The following TBC1D15 variants were observed in gnomAD, a reference collection of about 807,000 sequenced individuals.
The protein encoded by TBC1D15 is TBC1 domain family member 15.
TBC1D15 carries 39 observed loss-of-function variants against 95.4 expected under a neutral mutation model. The ratio of observed to expected loss-of-function variants is 0.41; its 90% CI spans 0.32 to 0.53. The LOEUF (loss-of-function observed/expected upper bound fraction) is 0.53, where lower values mean the gene tolerates loss of function less well. Ranked by LOEUF, TBC1D15 falls within the 20% of genes least tolerant of loss-of-function variation. The pLI, the probability that TBC1D15 is intolerant of heterozygous loss-of-function variation, is 0.29. For missense variants in TBC1D15, 733 were observed against 794.3 expected, an observed-to-expected ratio of 0.92 and a Z score of 0.93; for synonymous variants, 258 against 261.3, an observed-to-expected ratio of 0.99 and a Z score of 0.12.
chr12:71,881,838 A>G (rs369538084), intron 4 of TBC1D15, among the ~76,000 whole-genome samples: 1 of 146,376 alleles, frequency 6.8e-6, no homozygotes, highest in East Asian at 2.1e-4. Context: ...GAATCGCTTG[A>G]GCCTGGGAGG....
At chr12:71,843,570 A>G (rs748272973) in intron 1 of TBC1D15, among the ~76,000 whole-genome samples, 2 of 152,162 alleles carry the variant, frequency 1.3e-5, no homozygotes, top group East Asian at 1.9e-4. Context: ...CTTTAGTTCA[A>G]CAAACGTTTT....
chr12:71,896,578 C>A (rs1898229323), intron 8 of TBC1D15, 99 bp from the exon 9 acceptor site: 1 of 920,214 alleles, frequency 1.1e-6, no homozygotes, highest in Non-Finnish European at 1.7e-6. Context: ...TATGAAACTA[C>A]CTCTTAAAGA....
chr12:71,872,454 T>C (rs11178973), intron 2 of TBC1D15, among the ~76,000 whole-genome samples: 63,804 of 152,000 alleles, frequency 0.42, 16,563 homozygotes, highest in African/African-American at 0.72. Flanking sequence ...TAAACGTGCT[T>C]AGAACACTTA....
intron 12 of TBC1D15, 107 bp from the exon 13 acceptor site, chr12:71,917,590 TG>T: frequency 1.6e-6 from 1 of 607,842 alleles, no homozygotes; most frequent in Non-Finnish European, 2.7e-6. Flanking sequence ...ATTACCAGTG[TG>T]GTATAAGTTC....
At chr12:71,879,360 C>CT (rs1268813922) in intron 3 of TBC1D15, among the ~76,000 whole-genome samples, 1 of 152,134 alleles carries the variant, frequency 6.6e-6, no homozygotes, top group East Asian at 1.9e-4. Flanking sequence ...GTCTGAAACT[C>CT]CTGACCTCAG....
At chr12:71,911,295 A>G (rs551353468) in intron 11 of TBC1D15, among the ~76,000 whole-genome samples, 80 of 152,234 alleles carry the variant, frequency 5.3e-4, no homozygotes, top group Non-Finnish European at 9.6e-4. Flanking sequence ...AGGACTATAA[A>G]TCATGCTGCC....
chr12:71,906,375 A>G (rs868046717), intron 10 of TBC1D15, among the ~76,000 whole-genome samples: 1 of 152,232 alleles, frequency 6.6e-6, no homozygotes, highest in Non-Finnish European at 1.5e-5. Context: ...TGCACTTAGT[A>G]GGCATCAGTG....
intron 1 of TBC1D15, among the ~76,000 whole-genome samples, chr12:71,854,113 C>G (rs759063015): frequency 6.6e-6 from 1 of 152,202 alleles, no homozygotes; most frequent in Non-Finnish European, 1.5e-5. Context: ...TTTTCTCTCC[C>G]TTTCCCATAG....
intron 6 of TBC1D15, among the ~76,000 whole-genome samples, chr12:71,893,938 T>A (rs57360811): frequency 0.086 from 13,139 of 151,932 alleles, 650 homozygotes; most frequent in South Asian, 0.15. Context: ...TTTGAAGATG[T>A]AAAGATTAAT....
intron 4 of TBC1D15, among the ~76,000 whole-genome samples, chr12:71,880,986 G>C (rs1446070631): frequency 6.6e-6 from 1 of 152,122 alleles, no homozygotes; most frequent in Non-Finnish European, 1.5e-5. Context: ...TCTAATTTCA[G>C]CATCTTGCTG....
intron 1 of TBC1D15, among the ~76,000 whole-genome samples, chr12:71,865,831 A>G (rs1288158041): frequency 6.6e-6 from 1 of 151,930 alleles, no homozygotes; most frequent in African/African-American, 2.4e-5. Context: ...CCAGGGAGTG[A>G]TATGCCCTTT....
intron 12 of TBC1D15, among the ~76,000 whole-genome samples, chr12:71,916,416 C>T (rs1423485211): frequency 6.6e-6 from 1 of 152,176 alleles, no homozygotes; most frequent in Non-Finnish European, 1.5e-5. Context: ...GATTCTGCCC[C>T]TTCTCTATAG....
chr12:71,875,922 C>T (rs1230927753), intron 3 of TBC1D15, among the ~76,000 whole-genome samples: 7 of 151,988 alleles, frequency 4.6e-5, no homozygotes, highest in South Asian at 2.1e-4. Flanking sequence ...CTCAGCCTCT[C>T]GAGTAGCTGG....
intron 11 of TBC1D15, among the ~76,000 whole-genome samples, chr12:71,908,768 T>C (rs1192888462): frequency 6.6e-6 from 1 of 152,224 alleles, no homozygotes; most frequent in Non-Finnish European, 1.5e-5. Flanking sequence ...TTTTTAATTC[T>C]CGTAGCAGCC....
chr12:71,852,055 T>C (rs1354786740), intron 1 of TBC1D15, among the ~76,000 whole-genome samples: 1 of 152,250 alleles, frequency 6.6e-6, no homozygotes, highest in Non-Finnish European at 1.5e-5. Context: ...ACTACCAGGC[T>C]TTTCCATACA....
At chr12:71,845,758 T>A (rs1044349989) in intron 1 of TBC1D15, among the ~76,000 whole-genome samples, 3 of 152,212 alleles carry the variant, frequency 2.0e-5, no homozygotes, top group African/African-American at 7.2e-5. Context: ...TAAGAATGCA[T>A]GTTGTGTATG....
chr12:71,898,995 T>C (rs1211578341), intron 10 of TBC1D15, among the ~76,000 whole-genome samples: 1 of 152,202 alleles, frequency 6.6e-6, no homozygotes, highest in Non-Finnish European at 1.5e-5. Context: ...ATCTAAAGTT[T>C]CTAACTGAAG....
At chr12:71,881,977 T>C (rs1014076548) in intron 4 of TBC1D15, among the ~76,000 whole-genome samples, 7 of 150,964 alleles carry the variant, frequency 4.6e-5, no homozygotes, top group African/African-American at 1.7e-4. Context: ...GGTTCATTTC[T>C]AAGCTTGAGG....
chr12:71,894,413 A>T lies in TBC1D15; in HGVS notation c.658-273A>T, dbSNP rs2138689653. 3 of 1,594,558 alleles carry T rather than the reference A, an allele frequency of 1.9e-6. No homozygotes were observed. In the South Asian group the frequency reaches 3.3e-5, roughly 18 times the overall value. ...TATGTTTTCTGATGTATGCAGATTG[A>T]GTGAAGCCTGCAAATCATTTGTTTA... On this transcript the variant is annotated intron_variant, in intron 6 of 16. Transcript: ENST00000485960.
Sources: allele counts gnomAD v4.1 joint callset (sites outside exome capture counted in the v4.1 genomes callset), GRCh38; gene constraint gnomAD v4.1.1; transcripts MANE v1.5; gene names NCBI Gene and HGNC (gene_info 2026-07-23, HGNC 2026-07-21).